Variants in SECTM1 observed in about 807,000 individuals in gnomAD.
The protein encoded by SECTM1 is secreted and transmembrane protein 1.
SECTM1 carries 10 observed loss-of-function variants against 18.1 expected under a neutral mutation model. The observed-to-expected ratio is 0.55, with a 90% CI of 0.34 to 0.94. The LOEUF (loss-of-function observed/expected upper bound fraction) is 0.94, where lower values mean the gene tolerates loss of function less well. Among genes scored for constraint, SECTM1 ranks in the 40% least tolerant of loss-of-function variants. The pLI is 0.02. For missense variants in SECTM1, 297 were observed against 322.6 expected, an observed-to-expected ratio of 0.92 and a Z score of 0.61; for synonymous variants, 137 against 139.2, an observed-to-expected ratio of 0.98 and a Z score of 0.11.
At chr17:82,327,078 C>T (rs2052152631) in intron 2 of SECTM1, 69 bp downstream of exon 2, 1 of 1,261,604 alleles carries the variant, frequency 7.9e-7, no homozygotes, top group African/African-American at 1.5e-5. Context: ...CAGTCCACCC[C>T]TCCTGCCCCT....
At chr17:82,332,223 CAG>C (rs2052197094) in intron 1 of SECTM1, among the ~76,000 whole-genome samples, 2 of 152,238 alleles carry the variant, frequency 1.3e-5, no homozygotes, top group African/African-American at 4.8e-5. Context: ...ACCACGAACA[CAG>C]GGGTCGGTAT....
Position 82,327,081 on chromosome 17 carries a change from CTGCCCCTGTCA to C in SECTM1, c.94+55_94+65del, listed in dbSNP as rs1337884666. The C allele has an allele frequency of 9.3e-6, 12 of 1,286,054 alleles. No homozygotes were observed. In the East Asian group the frequency reaches 3.0e-4, roughly 32 times the overall value. The allele number at this position is 1,286,054 out of a possible 1,614,324, so 79.7% of individuals were successfully genotyped here. On this transcript the variant is annotated intron_variant, in intron 2 of 4. Coordinates refer to ENST00000269389, the MANE Select transcript of SECTM1 (RefSeq NM_003004.3). ...TGGACCCAACCTCAGTCCACCCCTC[CTGCCCCTGTCA>C]TGCCCCCACCGGGCCCCCCTTTCCC...
At chr17:82,322,850 G>T in intron 4 of SECTM1, 28 bp downstream of exon 4, 2 of 1,607,714 alleles carry the variant, frequency 1.2e-6, no homozygotes, top group Non-Finnish European at 1.7e-6. Context: ...TCCCCACCCC[G>T]CACAAACTGG....
intron 3 of SECTM1, 35 bp downstream of exon 3, chr17:82,324,540 CTCTCACT>C (rs1599653259): frequency 6.3e-6 from 9 of 1,420,334 alleles, no homozygotes; most frequent in South Asian, 2.7e-5. Flanking sequence ...CCCGTGTCCC[CTCTCACT>C]CCCCTCCCCC....
At chr17:82,323,073 C>A in intron 3 of SECTM1, 62 bp from the exon 4 acceptor site, 1 of 1,528,864 alleles carries the variant, frequency 6.5e-7, no homozygotes, top group South Asian at 1.2e-5. Context: ...CTACCTCCTC[C>A]GTGTAGCTCC....
In SECTM1 at chr17:82,326,977, G is replaced by GCCCT. The variant is rs1567844422; in HGVS notation, c.94+169_94+170insAGGG. On this transcript the variant is annotated intron_variant, in intron 2 of 4. Transcript: ENST00000269389. The surrounding 1 kb of genome is among the most constrained non-coding windows in gnomAD (Gnocchi z 4.3). ...CACGGCGGGACACGGTCCACTCACC[G>GCCCT]CCACCTGAGGCAGCCCAGCTCCACA... 2.7e-3 allele frequency among the ~76,000 whole-genome samples: 379 copies of GCCCT among 140,820 alleles called. 6 individuals are homozygous for GCCCT. Among genetic ancestry groups the GCCCT allele is most frequent in the African/African-American group, 4.8e-3 (173 of 36,090 alleles). 92.4% of individuals were successfully genotyped at this position (140,820 alleles called of 152,430 possible).
In SECTM1 at chr17:82,331,315, C is replaced by G. The variant is rs187588873; in HGVS notation, c.-53+2385G>C. ...GAGAGCGGCAGGTCTGGCTCTACCC[C>G]GAGGCTTCAGGCTGCGGACCATGCG... On this transcript the variant is annotated intron_variant, in intron 1 of 4. Coordinates refer to ENST00000269389, the MANE Select transcript of SECTM1 (RefSeq NM_003004.3). 3.9e-5 allele frequency among the ~76,000 whole-genome samples: 6 copies of G among 152,238 alleles called. No individual in the cohort carries two copies. The East Asian group carries it at 9.7e-4, about 25-fold the overall frequency.
At chr17:82,323,470 G>C (rs1457285238) in intron 3 of SECTM1, among the ~76,000 whole-genome samples, 1 of 148,316 alleles carries the variant, frequency 6.7e-6, no homozygotes, top group Non-Finnish European at 1.5e-5. Context: ...GGTGACCCGG[G>C]TAGGTCGGAA....
intron 3 of SECTM1, chr17:82,323,334 G>C (rs2052114608): frequency 3.0e-6 from 1 of 330,488 alleles, no homozygotes; most frequent in African/African-American, 2.1e-5. Context: ...AGAGATGCAA[G>C]GGCAGGGGAG....
At chr17:82,327,658 C>T (rs1044523058) in intron 1 of SECTM1, among the ~76,000 whole-genome samples, 5 of 152,164 alleles carry the variant, frequency 3.3e-5, no homozygotes, top group African/African-American at 1.2e-4. Flanking sequence ...CCGTGTCTGA[C>T]CTAACACTAT....
rs1373497243 is a variant in SECTM1 at position 82,322,097 on chromosome 17, G to A, written c.*64C>T. 5 of 1,536,794 alleles carry A rather than the reference G, an allele frequency of 3.3e-6. No homozygotes were observed. Among genetic ancestry groups the A allele is most frequent in the Non-Finnish European group, 3.6e-6 (4 of 1,113,884 alleles). On this transcript the variant is annotated 3_prime_UTR_variant, in exon 5 of 5. Coordinates refer to ENST00000269389, the MANE Select transcript of SECTM1 (RefSeq NM_003004.3). ...CCTCCGGGTGGGACGAGAGACCCAG[G>A]CCCCGCCACCCAAGGTCGGCACTCA...
chr17:82,324,523 T>TCC (rs1440096155), intron 3 of SECTM1, 59 bp downstream of exon 3: 2 of 85,046 alleles, frequency 2.4e-5, no homozygotes, highest in Non-Finnish European at 4.4e-5. Flanking sequence ...CCAGGCCCCC[T>TCC]CCCCTCCCCG....
Position 82,330,232 on chromosome 17 carries a change from G to A in SECTM1, c.-52-2940C>T, listed in dbSNP as rs551366166. Among the ~76,000 whole-genome samples the A allele has an allele frequency of 1.3e-5, 2 of 152,270 alleles. No individual in the cohort carries two copies. The highest frequency in any genetic ancestry group is 2.4e-5 in the African/African-American group (1 of 41,566). Reference sequence around the variant, plus strand: ...CCCCCACTGCTCTCCGCACCACCCCGCCGACCGTGTCCGGGAGGGGATGCC... The same window carrying A: ...CCCCCACTGCTCTCCGCACCACCCCACCGACCGTGTCCGGGAGGGGATGCC... On this transcript the variant is annotated intron_variant, in intron 1 of 4. Transcript: ENST00000269389. This position sits in a 1 kb window ranked among gnomAD's most constrained non-coding sequence, Gnocchi z 6.1.
In SECTM1 at chr17:82,325,486, C is replaced by G. The variant is rs1270809525; in HGVS notation, c.95-596G>C. Among the ~76,000 whole-genome samples the G allele has an allele frequency of 3.9e-5, 6 of 152,214 alleles. No individual in the cohort carries two copies. In the East Asian group the frequency reaches 1.2e-3, roughly 29 times the overall value. Reference sequence around the variant, plus strand: ...GGGGCCCAGCCTGCTTGTGCCACCCCCAACATTCCCTTTCCCCTCCCGGCC... The same window carrying G: ...GGGGCCCAGCCTGCTTGTGCCACCCGCAACATTCCCTTTCCCCTCCCGGCC... On this transcript the variant is annotated intron_variant, in intron 2 of 4. Transcript: ENST00000269389. The surrounding 1 kb of genome is among the most constrained non-coding windows in gnomAD (Gnocchi z 7.6).
intron 3 of SECTM1, 48 bp from the exon 4 acceptor site, chr17:82,323,059 C>T: frequency 6.4e-7 from 1 of 1,565,552 alleles, no homozygotes; most frequent in Non-Finnish European, 8.7e-7. Flanking sequence ...GCATCCCCCA[C>T]CCCCTACCTC....
At chr17:82,327,953 C>A (rs555888205) in intron 1 of SECTM1, among the ~76,000 whole-genome samples, 24 of 126,956 alleles carry the variant, frequency 1.9e-4, no homozygotes, top group East Asian at 1.3e-3. Flanking sequence ...CCAGCCCCCC[C>A]ACCCTGCCCG....
rs373351625 is a variant in SECTM1, at chr17:82,324,718, G to T, written c.267C>A (p.Asp89Glu). 6.2e-7 allele frequency: 1 copy of T among 1,614,162 alleles called. No individual in the cohort carries two copies. The highest frequency in any genetic ancestry group is 8.5e-7 in the Non-Finnish European group (1 of 1,180,024). Residue 89 changes from aspartate to glutamate, a missense_variant, in exon 3 of 5, where the codon GAC becomes GAA. Coordinates refer to ENST00000269389, the MANE Select transcript of SECTM1 (RefSeq NM_003004.3). ...NEVAPGYFSR[D>E]GWQLQVQGGV... Reference sequence around the variant, plus strand: ...CTCCCTGAACCTGGAGCTGCCAGCCGTCCCGGGAGAAGTAGCCTGGAGCCA... The same window carrying T: ...CTCCCTGAACCTGGAGCTGCCAGCCTTCCCGGGAGAAGTAGCCTGGAGCCA...
chr17:82,327,400 T>G, intron 1 of SECTM1, 108 bp from the exon 2 acceptor site: 12 of 623,168 alleles, frequency 1.9e-5, no homozygotes, highest in East Asian at 3.0e-5. Context: ...CCCCGAGCTC[T>G]TCCCCGACCT....
At chr17:82,327,500 C>T (rs530272306) in intron 1 of SECTM1, among the ~76,000 whole-genome samples, 7 of 152,188 alleles carry the variant, frequency 4.6e-5, no homozygotes, top group African/African-American at 1.2e-4. Context: ...AGAAGACACG[C>T]GGGGGCGGGA....
Sources: gnomAD v4.1 joint callset for allele counts (sites outside exome capture counted in the v4.1 genomes callset) on GRCh38, gnomAD v4.1.1 for gene constraint, Gnocchi (gnomAD v3.1) non-coding constraint, MANE v1.5 for transcripts, NCBI Gene and HGNC (gene_info 2026-07-23, HGNC 2026-07-21) for gene names.